LY75: variants seen among roughly 807,000 people sequenced by gnomAD.
LY75 encodes the protein lymphocyte antigen 75.
Under a neutral mutation model 231.7 loss-of-function variants are expected in LY75, and 185 were observed. The observed-to-expected ratio is 0.80, with a 90% confidence interval of 0.71 to 0.90. The LOEUF (loss-of-function observed/expected upper bound fraction) is 0.90, where lower values mean the gene tolerates loss of function less well. Among genes scored for constraint, LY75 ranks in the 40% least tolerant of loss-of-function variants. The pLI is 0.00. For synonymous variants in LY75, 668 were observed against 689.0 expected, an observed-to-expected ratio of 0.97 and a Z score of 0.48; for missense variants, 1,947 against 2,050.2, an observed-to-expected ratio of 0.95 and a Z score of 0.97.
rs1281701248 is a variant in LY75, at chr2:159,835,507, G to T, written c.3646C>A (p.Pro1216Thr). Residue 1216 changes from proline (P) to threonine (T), a missense_variant, in exon 26 of 35, where the codon CCA becomes ACA. By Grantham distance (38) the Pro-to-Thr change is conservative. Coordinates refer to ENST00000263636, the MANE Select transcript of LY75 (RefSeq NM_002349.4). Reference protein sequence around the residue: ...WKTVDCNDNQPGAICYYSGNE... With the variant: ...WKTVDCNDNQTGAICYYSGNE... ...CCTGAATAGTAGCAAATAGCACCTG[G>T]TTGATTGTCATTGCAATCAACTGTT... is the stretch of plus-strand genomic sequence containing the variant. 1 of 1,610,352 alleles carries T rather than the reference G, an allele frequency of 6.2e-7. No homozygotes were observed. The highest frequency in any genetic ancestry group is 1.7e-5 in the Admixed American group (1 of 59,312).
At position 159,893,899 on chromosome 2, in the gene LY75, C is replaced by A; in HGVS notation, c.637+15G>T. On this transcript the variant is annotated intron_variant, in intron 3 of 34. Transcript: ENST00000263636. ...GTACTACCTTTCCACATAAAATTTA[C>A]CAGCCCATACATACCAGGCTTTAAG... is the stretch of plus-strand genomic sequence containing the variant. 1 of 1,588,862 alleles carries A rather than the reference C, an allele frequency of 6.3e-7. No homozygotes were observed. The highest frequency in any genetic ancestry group is 8.6e-7 in the Non-Finnish European group (1 of 1,168,620).
intron 13 of LY75, among the ~76,000 whole-genome samples, chr2:159,869,989 T>C (rs969408722): frequency 2.7e-4 from 41 of 152,202 alleles, no homozygotes; most frequent in African/African-American, 9.9e-4. Flanking sequence ...AAATTTTGTA[T>C]ATTAATTTCT....
At chr2:159,807,691 G>A (rs1682829778) in intron 33 of LY75, 1 of 979,470 alleles carries the variant, frequency 1.0e-6, no homozygotes, top group African/African-American at 1.8e-5. Flanking sequence ...GGACAACTTG[G>A]AATCCTTTTA....
intron 13 of LY75, among the ~76,000 whole-genome samples, chr2:159,869,553 G>A (rs1440709094): frequency 6.6e-6 from 1 of 152,190 alleles, no homozygotes; most frequent in Non-Finnish European, 1.5e-5. Flanking sequence ...TCTCAAGAGT[G>A]TATTAGAATC....
rs947449980 is a variant in LY75 at position 159,831,532 on chromosome 2, A to G, written c.3958+138T>C. 6.6e-6 allele frequency: 6 copies of G among 907,630 alleles called. No individual in the cohort carries two copies. In the Admixed American group the frequency reaches 1.1e-4, roughly 16 times the overall value. The allele number at this position is 907,630 out of a possible 1,614,324, so 56.2% of individuals were successfully genotyped here. A position where few individuals can be genotyped will look rare whatever the true frequency, so the allele number is the denominator to read the frequency against. On this transcript the variant is annotated intron_variant, in intron 28 of 34. Transcript: ENST00000263636. Reference sequence around the variant, plus strand: ...GCAGAGACATAAAAACTGTCTTGGTATTTATGTAAGTTATGCTAAGTACAT... The same window carrying G: ...GCAGAGACATAAAAACTGTCTTGGTGTTTATGTAAGTTATGCTAAGTACAT...
At chr2:159,879,830 T>C (rs1685381762) in intron 8 of LY75, among the ~76,000 whole-genome samples, 2 of 152,332 alleles carry the variant, frequency 1.3e-5, no homozygotes, top group Middle Eastern at 3.4e-3. Flanking sequence ...AAAAGTTTCT[T>C]TCAACTCTAC....
chr2:159,821,844 A>G (rs528096770), intron 28 of LY75, among the ~76,000 whole-genome samples: 1 of 152,210 alleles, frequency 6.6e-6, no homozygotes, highest in Non-Finnish European at 1.5e-5. Flanking sequence ...TACCGGGTTC[A>G]TCTCAATGGG....
At chr2:159,844,786 A>G in intron 23 of LY75, among the ~76,000 whole-genome samples, 1 of 53,546 alleles carries the variant, frequency 1.9e-5, no homozygotes, top group Non-Finnish European at 3.4e-5. Flanking sequence ...TAAAGCTGTC[A>G]TTCTTTTTTT....
At chr2:159,810,930 C>A (rs554176195) in intron 31 of LY75, among the ~76,000 whole-genome samples, 1 of 152,264 alleles carries the variant, frequency 6.6e-6, no homozygotes, top group East Asian at 1.9e-4. Context: ...AAAGTAGAAA[C>A]AATGAGAAAG....
At chr2:159,878,935 T>C (rs1415952913) in intron 9 of LY75, among the ~76,000 whole-genome samples, 2 of 152,154 alleles carry the variant, frequency 1.3e-5, no homozygotes, top group African/African-American at 4.8e-5. Flanking sequence ...ATGGGTTACT[T>C]CTCATATGGG....
At chr2:159,881,294 T>G in intron 7 of LY75, 54 bp from the exon 8 acceptor site, 1 of 1,526,030 alleles carries the variant, frequency 6.6e-7, no homozygotes, top group South Asian at 1.3e-5. Context: ...TACTGTAATA[T>G]GTACATTGTT....
intron 4 of LY75, among the ~76,000 whole-genome samples, chr2:159,889,221 C>T (rs1685679901): frequency 6.6e-6 from 1 of 151,900 alleles, no homozygotes; most frequent in African/African-American, 2.4e-5. Context: ...ATTGAAACTG[C>T]AATACCTTTT....
chr2:159,850,291 T>A, intron 22 of LY75, 71 bp downstream of exon 22: 3 of 1,565,998 alleles, frequency 1.9e-6, no homozygotes, highest in Non-Finnish European at 2.6e-6. Flanking sequence ...GTATGTTAAT[T>A]CCCCATAGCC....
In LY75 at chr2:159,875,491, A is replaced by G. The variant is rs1422907218; in HGVS notation, c.1927T>C (p.Cys643Arg). The G allele has an allele frequency of 6.2e-7, 1 of 1,613,962 alleles. No homozygotes were observed. Among genetic ancestry groups the G allele is most frequent in the African/African-American group, 1.3e-5 (1 of 74,914 alleles). ...GGGAAACTCTGCCAGCCTTCAGGAC[A>G]GGGGTCATCAGGCTTAGGGGATGCT... is the stretch of plus-strand genomic sequence containing the variant. ...EEASPKPDDPCPEGWQSFPAS... is the reference protein window; with the variant it reads ...EEASPKPDDPRPEGWQSFPAS... Residue 643 changes from cysteine to arginine, a missense_variant, in exon 12 of 35, where the codon TGT (cysteine) becomes CGT (arginine). Transcript: ENST00000263636.
chr2:159,861,042 TGAGAG>T, intron 14 of LY75, 153 bp from the exon 15 acceptor site: 1 of 251,708 alleles, frequency 4.0e-6, no homozygotes, highest in Non-Finnish European at 6.3e-6. Context: ...TGCTAAATCA[TGAGAG>T]GACTTAGCAA....
chr2:159,835,191 T>A (rs1239337184), intron 26 of LY75, among the ~76,000 whole-genome samples: 1 of 152,208 alleles, frequency 6.6e-6, no homozygotes, highest in East Asian at 1.9e-4. Flanking sequence ...TTTCTACAAC[T>A]ATAAATATAT....
intron 15 of LY75, among the ~76,000 whole-genome samples, chr2:159,859,917 A>G (rs1280646716): frequency 6.6e-6 from 1 of 152,132 alleles, no homozygotes; most frequent in East Asian, 1.9e-4. Flanking sequence ...CACCATCACC[A>G]TCCTTATTAT....
intron 1 of LY75, chr2:159,902,891 T>A (rs1686121004): frequency 6.6e-6 from 1 of 152,216 alleles, no homozygotes. Flanking sequence ...CTGGCATCTC[T>A]CCAAGGACAC....
chr2:159,830,151 T>C (rs574437557), intron 28 of LY75, among the ~76,000 whole-genome samples: 51 of 152,336 alleles, frequency 3.3e-4, no homozygotes, highest in Non-Finnish European at 6.3e-4. Flanking sequence ...CTTGATAGTT[T>C]AATTTCCATT....
Sources: allele counts gnomAD v4.1 joint callset (sites outside exome capture counted in the v4.1 genomes callset), GRCh38; gene constraint gnomAD v4.1.1; transcripts MANE v1.5; gene names NCBI Gene and HGNC (gene_info 2026-07-23, HGNC 2026-07-21).